The following IPO11 variants were observed in gnomAD, a reference collection of about 807,000 sequenced individuals.
The protein encoded by IPO11 is importin 11, also known as importin-11.
In IPO11, 66 loss-of-function variants were observed where a neutral mutation model predicts 143.2. The ratio of observed to expected loss-of-function variants is 0.46; its 90% CI spans 0.38 to 0.57. The LOEUF (loss-of-function observed/expected upper bound fraction) is 0.57, where lower values mean the gene tolerates loss of function less well. Ranked by LOEUF, IPO11 falls within the 20% of genes least tolerant of loss-of-function variation. The pLI is 0.00. For missense variants in IPO11, 1,026 were observed against 1,141.0 expected (o/e 0.90, Z 1.45); for synonymous variants, 385 against 377.8 (o/e 1.02, Z -0.22).
intron 1 of IPO11, among the ~76,000 whole-genome samples, chr5:62,428,671 A>AT (rs924915549): frequency 1.3e-4 from 20 of 148,224 alleles, no homozygotes; most frequent in South Asian, 2.1e-4. Flanking sequence ...GATTGAAAAC[A>AT]TTTTTTTTTT....
chr5:62,513,535 G>C (rs1463275769), intron 19 of IPO11, among the ~76,000 whole-genome samples: 6 of 147,352 alleles, frequency 4.1e-5, no homozygotes, highest in Admixed American at 4.0e-4. Context: ...CTGGCCGGGC[G>C]GGGGGCTGAG....
intron 29 of IPO11, among the ~76,000 whole-genome samples, chr5:62,608,580 C>G (rs1745812715): frequency 1.3e-5 from 2 of 152,230 alleles, no homozygotes; most frequent in South Asian, 4.1e-4. Context: ...GTTTCTGCCT[C>G]TATTACATGC....
rs190961949 is a variant in IPO11, at chr5:62,527,078, G to C, written c.2012+821G>C. Among the ~76,000 whole-genome samples, 308 of 152,100 alleles carry C rather than the reference G, an allele frequency of 2.0e-3. 2 individuals are homozygous for C. Among genetic ancestry groups the C allele is most frequent in the African/African-American group, 7.3e-3 (301 of 41,472 alleles). ...AAATTATAAATAATGATCTTTATCA[G>C]AATATGAGATGAATGACTTTAAAAC... is the stretch of plus-strand genomic sequence containing the variant. On this transcript the variant is annotated intron_variant, in intron 21 of 29. Transcript: ENST00000325324.
At chr5:62,612,629 A>G (rs1745965926) in intron 29 of IPO11, among the ~76,000 whole-genome samples, 1 of 152,236 alleles carries the variant, frequency 6.6e-6, no homozygotes, top group South Asian at 2.1e-4. Context: ...TAAAAATTAT[A>G]TTAACATGTA....
intron 27 of IPO11, among the ~76,000 whole-genome samples, chr5:62,577,427 T>C (rs1744355750): frequency 6.6e-6 from 1 of 152,116 alleles, no homozygotes; most frequent in South Asian, 2.1e-4. Flanking sequence ...ACTTTGTGGG[T>C]TTTTTCTCTT....
At chr5:62,572,974 AACCT>A (rs1243595929) in intron 27 of IPO11, among the ~76,000 whole-genome samples, 1 of 152,092 alleles carries the variant, frequency 6.6e-6, no homozygotes, top group Non-Finnish European at 1.5e-5. Flanking sequence ...TGTTACGAAA[AACCT>A]CCTATCGTAA....
At chr5:62,454,901 T>C (rs987484667) in intron 5 of IPO11, among the ~76,000 whole-genome samples, 8 of 152,150 alleles carry the variant, frequency 5.3e-5, no homozygotes, top group African/African-American at 1.9e-4. Flanking sequence ...AGGGCAAAAC[T>C]TCCAAAAGCA....
Position 62,530,746 on chromosome 5 carries a change from G to C in IPO11, c.2050G>C (p.Glu684Gln), listed in dbSNP as rs758400200. The C allele has an allele frequency of 1.3e-5, 21 of 1,613,102 alleles. No homozygotes were observed. The highest frequency in any genetic ancestry group is 1.8e-5 in the Non-Finnish European group (21 of 1,179,392). The change falls in exon 22 of 30, where the codon GAG (glutamate) becomes CAG (glutamine). Residue 684 changes from glutamate (E) to glutamine (Q), a missense_variant. Around this residue, in one of 5 missense-constraint regions of IPO11, gnomAD observed 351 missense variants for 358.9 expected, o/e 0.98. Coordinates refer to ENST00000325324, the MANE Select transcript of IPO11 (RefSeq NM_016338.5). ...TLENSPCITP[E>Q]LLRIFQNMSP... ...GGAAAACAGTCCATGTATTACACCA[G>C]AGTTGCTTCGTATATTTCAGAATAT...
intron 11 of IPO11, among the ~76,000 whole-genome samples, chr5:62,485,186 C>T (rs959564990): frequency 1.7e-4 from 26 of 152,092 alleles, no homozygotes; most frequent in Admixed American, 9.8e-4. Flanking sequence ...GAATTTTTAT[C>T]GAAAATGAGA....
intron 19 of IPO11, among the ~76,000 whole-genome samples, chr5:62,515,068 T>C (rs1379925403): frequency 6.6e-6 from 1 of 152,220 alleles, no homozygotes; most frequent in African/African-American, 2.4e-5. Context: ...TCCAATTTGG[T>C]AAGCTGTTTT....
At chr5:62,501,363 T>C (rs1379264769) in intron 16 of IPO11, among the ~76,000 whole-genome samples, 1 of 152,202 alleles carries the variant, frequency 6.6e-6, no homozygotes, top group African/African-American at 2.4e-5. Flanking sequence ...CTGAAGGAAA[T>C]ATAAAATAAT....
rs1339518806 is a variant in IPO11 at position 62,451,875 on chromosome 5, A to G, written c.458A>G (p.His153Arg). 3.1e-6 allele frequency: 5 copies of G among 1,613,988 alleles called. No individual in the cohort carries two copies. In the African/African-American group the frequency reaches 5.3e-5, roughly 17 times the overall value. Residue 153 changes from histidine (H) to arginine (R), a missense_variant, in exon 5 of 30, where the codon CAT becomes CGT. Physicochemically the swap from His to Arg is conservative, Grantham distance 29. This residue lies in a region of IPO11 where 429 missense variants were observed against 456.3 expected (regional missense o/e 0.94). Coordinates refer to ENST00000325324, the MANE Select transcript of IPO11 (RefSeq NM_016338.5). ...RQHRALLTFYHVTKTLASKRL... is the reference protein window; with the variant it reads ...RQHRALLTFYRVTKTLASKRL... ...CACAGAGCATTACTTACCTTCTATC[A>G]TGTTACCAAGACACTGGCATCTAAA...
At chr5:62,487,988 A>G (rs1428214015) in intron 13 of IPO11, 127 bp downstream of exon 13, 1 of 774,556 alleles carries the variant, frequency 1.3e-6, no homozygotes, top group African/African-American at 1.8e-5. Flanking sequence ...TTTGAGAAAA[A>G]CAATTTTAAA....
intron 27 of IPO11, among the ~76,000 whole-genome samples, chr5:62,584,635 AAAAG>A (rs1744699611): frequency 6.7e-6 from 1 of 149,940 alleles, no homozygotes; most frequent in African/African-American, 2.4e-5. Context: ...AAAAAAAAAA[AAAAG>A]GAAATAGGAG....
In IPO11 at chr5:62,593,772, G is replaced by A. The variant is rs142140726; in HGVS notation, c.2678+2100G>A. On this transcript the variant is annotated intron_variant, in intron 28 of 29. Coordinates refer to ENST00000325324, the MANE Select transcript of IPO11 (RefSeq NM_016338.5). ...TCTTTTTATTCTGGGGTGGTACTTT[G>A]CATATAGAAACACAGTTGAGAAATA... 2.8e-4 allele frequency among the ~76,000 whole-genome samples: 42 copies of A among 152,290 alleles called. No homozygotes were observed. In the East Asian group the frequency reaches 6.8e-3, roughly 24 times the overall value.
chr5:62,473,799 C>T (rs540688521), intron 7 of IPO11, among the ~76,000 whole-genome samples: 1 of 152,014 alleles, frequency 6.6e-6, no homozygotes, highest in East Asian at 1.9e-4. Flanking sequence ...TTATTCAAAA[C>T]ATATCTTAGA....
intron 22 of IPO11, among the ~76,000 whole-genome samples, chr5:62,531,107 A>G (rs1375321540): frequency 6.6e-6 from 1 of 152,172 alleles, no homozygotes; most frequent in African/African-American, 2.4e-5. Flanking sequence ...GCTTCCATTT[A>G]TAAATGAGAA....
intron 20 of IPO11, among the ~76,000 whole-genome samples, chr5:62,516,293 C>CT (rs902327743): frequency 9.9e-4 from 146 of 147,556 alleles, no homozygotes; most frequent in African/African-American, 3.0e-3. Context: ...TAAATGCTTT[C>CT]TTTTTTTTTT....
At chr5:62,617,123 G>T (rs546797525) in intron 29 of IPO11, among the ~76,000 whole-genome samples, 6 of 152,114 alleles carry the variant, frequency 3.9e-5, no homozygotes, top group Non-Finnish European at 5.9e-5. Flanking sequence ...AACCACAAAG[G>T]CAATTAGAAC....
Sources: gnomAD v4.1 joint callset for allele counts (sites outside exome capture counted in the v4.1 genomes callset) on GRCh38, gnomAD v4.1.1 for gene constraint, gnomAD v4.1.1 regional missense constraint, MANE v1.5 for transcripts, NCBI Gene and HGNC (gene_info 2026-07-23, HGNC 2026-07-21) for gene names.